CNBD1: variants seen among roughly 807,000 people sequenced by gnomAD.
The protein encoded by CNBD1 is cyclic nucleotide-binding domain-containing protein 1.
Under a neutral mutation model 54.4 loss-of-function variants are expected in CNBD1, and 71 were observed. The observed-to-expected ratio is 1.30, with a 90% confidence interval of 1.08 to 1.59. CNBD1 has a LOEUF of 1.59. Ranked by LOEUF, CNBD1 falls within the 40% of genes most tolerant of loss-of-function variation. CNBD1 has a pLI of 0.00. For missense variants in CNBD1, 659 were observed against 518.0 expected (o/e 1.27, Z -2.64); for synonymous variants, 182 against 170.7 (o/e 1.07, Z -0.51).
chr8:87,080,337 A>AG, intron 4 of CNBD1, among the ~76,000 whole-genome samples: 1 of 152,148 alleles, frequency 6.6e-6, no homozygotes, highest in South Asian at 2.1e-4. Context: ...TAATCCCAGC[A>AG]CTTTGGGAGG....
intron 10 of CNBD1, among the ~76,000 whole-genome samples, chr8:87,380,082 C>A (rs1024938865): frequency 6.6e-6 from 1 of 151,854 alleles, no homozygotes; most frequent in South Asian, 2.1e-4. Flanking sequence ...GACAAAGGAA[C>A]CAAATATCTG....
At chr8:87,394,928 C>A (rs931240405) in intron 2 of CNBD1, among the ~76,000 whole-genome samples, 1 of 151,746 alleles carries the variant, frequency 6.6e-6, no homozygotes, top group Non-Finnish European at 1.5e-5. Context: ...ACATTATTAC[C>A]ATTAAGTAAA....
intron 8 of CNBD1, among the ~76,000 whole-genome samples, chr8:87,324,074 T>C (rs1162968821): frequency 7.9e-6 from 1 of 125,832 alleles, no homozygotes; most frequent in Admixed American, 7.7e-5. Context: ...GTGGTTTTTG[T>C]CTTTGGCTCT....
intron 4 of CNBD1, among the ~76,000 whole-genome samples, chr8:87,118,311 T>A (rs1480911627): frequency 7.0e-5 from 3 of 42,968 alleles, no homozygotes; most frequent in African/African-American, 3.5e-4. Context: ...CGAGACTCTG[T>A]CTCAAAAAAA....
chr8:86,870,351 C>T (rs911678561), intron 1 of CNBD1, among the ~76,000 whole-genome samples: 6 of 151,606 alleles, frequency 4.0e-5, no homozygotes, highest in Admixed American at 1.3e-4. Context: ...GTCGCAGCCA[C>T]GCCTGGCTAA....
chr8:87,045,724 C>CAA (rs58973406), intron 4 of CNBD1, among the ~76,000 whole-genome samples: 2,906 of 50,942 alleles, frequency 0.057, 115 homozygotes, highest in African/African-American at 0.066. Flanking sequence ...GACTCCGTCT[C>CAA]AAAAAAAAAA....
At chr8:87,223,003 C>T (rs1422351751) in intron 5 of CNBD1, among the ~76,000 whole-genome samples, 1 of 149,802 alleles carries the variant, frequency 6.7e-6, no homozygotes, top group Admixed American at 6.7e-5. Context: ...GTCTGGGAAT[C>T]ATTATTTAAT....
At chr8:87,258,515 T>G (rs935082216) in intron 6 of CNBD1, among the ~76,000 whole-genome samples, 3 of 151,870 alleles carry the variant, frequency 2.0e-5, no homozygotes, top group African/African-American at 7.3e-5. Context: ...CCACTGCAAC[T>G]CCTAATCTCA....
intron 5 of CNBD1, among the ~76,000 whole-genome samples, chr8:87,221,398 A>T (rs1814334859): frequency 6.6e-6 from 1 of 151,852 alleles, no homozygotes; most frequent in South Asian, 2.1e-4. Flanking sequence ...TTCTTTATCA[A>T]CCTTCCTAGC....
chr8:87,067,898 G>A (rs1810686441), intron 4 of CNBD1, among the ~76,000 whole-genome samples: 1 of 151,736 alleles, frequency 6.6e-6, no homozygotes, highest in Non-Finnish European at 1.5e-5. Flanking sequence ...CTCTACAATA[G>A]CTGAAACTAG....
intron 4 of CNBD1, among the ~76,000 whole-genome samples, chr8:87,181,395 AT>A (rs1813308371): frequency 6.6e-6 from 1 of 152,126 alleles, no homozygotes; most frequent in Admixed American, 6.5e-5. Context: ...ACAATTTCAA[AT>A]TTTATTTCTT....
intron 8 of CNBD1, among the ~76,000 whole-genome samples, chr8:87,331,915 T>C (rs995414540): frequency 2.0e-5 from 3 of 152,348 alleles, no homozygotes; most frequent in East Asian, 3.9e-4. Context: ...GGGTTTTGTT[T>C]TTTTCTTGTA....
chr8:87,198,685 G>T (rs1813774563), intron 4 of CNBD1, among the ~76,000 whole-genome samples: 1 of 152,130 alleles, frequency 6.6e-6, no homozygotes, highest in Non-Finnish European at 1.5e-5. Context: ...AGCATTTACA[G>T]AAATATTTGA....
chr8:87,363,458 C>A (rs1253451961), intron 10 of CNBD1, among the ~76,000 whole-genome samples: 1 of 152,074 alleles, frequency 6.6e-6, no homozygotes, highest in Non-Finnish European at 1.5e-5. Flanking sequence ...ATTTAGACTC[C>A]CACCAACAGT....
chr8:87,223,279 T>C (rs1814386892), intron 5 of CNBD1, among the ~76,000 whole-genome samples: 1 of 151,694 alleles, frequency 6.6e-6, no homozygotes, highest in Non-Finnish European at 1.5e-5. Context: ...TTAGGGTACA[T>C]GTGCACATTG....
At chr8:87,299,685 G>A (rs752505368) in intron 8 of CNBD1, among the ~76,000 whole-genome samples, 1 of 152,186 alleles carries the variant, frequency 6.6e-6, no homozygotes, top group Non-Finnish European at 1.5e-5. Context: ...GAGACAGAGT[G>A]AGTAATAGCT....
chr8:86,951,581 C>CAA (rs71275901), intron 4 of CNBD1, among the ~76,000 whole-genome samples: 1,135 of 37,336 alleles, frequency 0.03, 392 homozygotes, highest in Non-Finnish European at 0.034. Context: ...CTCCGTCTCA[C>CAA]AAAAAAAAAA....
intron 3 of CNBD1, among the ~76,000 whole-genome samples, chr8:86,927,448 G>A (rs1038445795): frequency 8.5e-5 from 13 of 152,106 alleles, no homozygotes; most frequent in Non-Finnish European, 1.3e-4. Flanking sequence ...CAGACAAGCT[G>A]TTTGAGTGGA....
intron 2 of CNBD1, among the ~76,000 whole-genome samples, chr8:86,893,272 T>C (rs2096403043): frequency 1.3e-5 from 2 of 152,214 alleles, no homozygotes; most frequent in Admixed American, 1.3e-4. Flanking sequence ...GCCAATTGTT[T>C]AGGCGGGATT....
Sources: gnomAD v4.1 joint callset for allele counts (sites outside exome capture counted in the v4.1 genomes callset) on GRCh38, gnomAD v4.1.1 for gene constraint, MANE v1.5 for transcripts, NCBI Gene and HGNC (gene_info 2026-07-23, HGNC 2026-07-21) for gene names.